SNRPN: variants seen among roughly 807,000 people sequenced by gnomAD.
SNRPN encodes small nuclear ribonucleoprotein-associated protein N.
A neutral mutation model predicts 25.2 loss-of-function variants in SNRPN; 7 were observed. The ratio of observed to expected loss-of-function variants is 0.28; its 90% CI spans 0.16 to 0.52. The LOEUF (loss-of-function observed/expected upper bound fraction) is 0.52, where lower values mean the gene tolerates loss of function less well. SNRPN is among the 20% of genes least tolerant of loss of function. SNRPN has a pLI of 0.96. For synonymous variants in SNRPN, 124 were observed against 110.6 expected (o/e 1.12, Z -0.76); for missense variants, 196 against 322.5 (o/e 0.61, Z 3.00).
chr15:24,974,234 G>T (rs1321314782), intron 3 of SNRPN, 77 bp from the exon 4 acceptor site: 1 of 578,016 alleles, frequency 1.7e-6, no homozygotes, highest in East Asian at 2.9e-5. Context: ...CTGTCATAGT[G>T]ATTTTCATGC....
At chr15:24,922,990 C>T (rs1186964239) in intron 3 of SNRPN, among the ~76,000 whole-genome samples, 2 of 144,198 alleles carry the variant, frequency 1.4e-5, no homozygotes, top group Non-Finnish European at 3.0e-5. Flanking sequence ...ACTGCAACCT[C>T]CGCCTTCTGC....
chr15:24,856,050 C>T (rs903591077), upstream of SNRPN, among the ~76,000 whole-genome samples: 2 of 151,984 alleles, frequency 1.3e-5, no homozygotes, highest in African/African-American at 4.8e-5. Flanking sequence ...GATTTGCTCT[C>T]TCCTTTTTTT....
chr15:24,975,327 C>T (rs549049202), intron 4 of SNRPN, 31 bp from the exon 5 acceptor site: 7 of 1,593,268 alleles, frequency 4.4e-6, no homozygotes, highest in Non-Finnish European at 6.0e-6. Flanking sequence ...TGTTGGCAAG[C>T]TGAACATGAC....
intron 1 of SNRPN, among the ~76,000 whole-genome samples, chr15:24,883,813 A>G (rs2149845324): frequency 6.6e-6 from 1 of 151,854 alleles, no homozygotes; most frequent in African/African-American, 2.4e-5. Flanking sequence ...GGAATTTGAG[A>G]CTAGCCTGGC....
At position 24,863,203 on chromosome 15, in the gene SNRPN, C is replaced by A. The variant is rs1366834232; in HGVS notation, c.-579+6487C>A. 2.0e-5 allele frequency among the ~76,000 whole-genome samples: 3 copies of A among 150,730 alleles called. 1 individual carries two copies. Among genetic ancestry groups the A allele is most frequent in the African/African-American group, 7.5e-5 (3 of 40,186 alleles). On this transcript the variant is annotated intron_variant, in intron 1 of 11. Transcript: ENST00000400097. Reference sequence around the variant, plus strand: ...TGGGGAAGGGCAGAGAAGTTTCTGTCCCCTCAGCCATTTTGCAGATGTAGG... The same window carrying A: ...TGGGGAAGGGCAGAGAAGTTTCTGTACCCTCAGCCATTTTGCAGATGTAGG...
At chr15:24,974,760 T>C (rs2076870448) in intron 4 of SNRPN, 3 of 613,468 alleles carry the variant, frequency 4.9e-6, no homozygotes, top group Non-Finnish European at 8.7e-6. Flanking sequence ...GGTTTCACTG[T>C]GTTGGCCAGG....
In SNRPN at chr15:24,955,645, G is replaced by GA. The variant is rs1444126306; in HGVS notation, c.-391+583_-391+584insA. 4.1e-3 allele frequency among the ~76,000 whole-genome samples: 608 copies of GA among 148,366 alleles called. 4 individuals are homozygous for GA. The highest frequency in any genetic ancestry group is 0.014 in the African/African-American group (572 of 39,944). On this transcript the variant is annotated intron_variant, in intron 1 of 9. Coordinates refer to ENST00000390687, the MANE Select transcript of SNRPN (RefSeq NM_003097.6). ...GCAGTGACCGAGGCGAGGAGGCTATGGCAGTGGACCAGGGGGATGAGTCGG... is the reference window on the plus strand; with the variant it reads ...GCAGTGACCGAGGCGAGGAGGCTATGAGCAGTGGACCAGGGGGATGAGTCGG...
In SNRPN at chr15:24,907,652, C is replaced by T. The variant is rs144282166; in HGVS notation, c.-504-12359C>T. ...TAATCTTCAGTGAAATAGTATGTTGCCCAGGCTGGTCTTAAACTCCTGGGC... is the reference window on the plus strand; with the variant it reads ...TAATCTTCAGTGAAATAGTATGTTGTCCAGGCTGGTCTTAAACTCCTGGGC... On this transcript the variant is annotated intron_variant, in intron 2 of 11. Coordinates refer to the SNRPN transcript ENST00000400097. Among the ~76,000 whole-genome samples the T allele has an allele frequency of 3.6e-3, 548 of 152,002 alleles. 6 individuals are homozygous for T. Among genetic ancestry groups the T allele is most frequent in the African/African-American group, 0.013 (531 of 41,470 alleles).
chr15:24,890,386 C>T (rs1270193309), intron 2 of SNRPN, among the ~76,000 whole-genome samples: 1 of 152,030 alleles, frequency 6.6e-6, no homozygotes, highest in Middle Eastern at 3.2e-3. Context: ...CATAAAAATA[C>T]ACCTATCCAG....
Position 24,978,519 on chromosome 15 carries a change from T to C in SNRPN, c.*75T>C, listed in dbSNP as rs1314068662. Reference sequence around the variant, plus strand: ...GAAATTGTGTAGAGTGTTTGTGAGCTTTTTGTTCCCTCATTCTGCATTAAT... The same window carrying C: ...GAAATTGTGTAGAGTGTTTGTGAGCCTTTTGTTCCCTCATTCTGCATTAAT... On this transcript the variant is annotated 3_prime_UTR_variant, in exon 10 of 10. Transcript: ENST00000390687. 3.0e-6 allele frequency: 4 copies of C among 1,326,434 alleles called. No individual in the cohort carries two copies. The East Asian group carries it at 9.2e-5, about 30-fold the overall frequency. 82.2% of individuals were successfully genotyped at this position (1,326,434 alleles called of 1,614,324 possible).
chr15:24,922,434 A>G (rs1595920019), intron 3 of SNRPN, among the ~76,000 whole-genome samples: 1 of 152,212 alleles, frequency 6.6e-6, no homozygotes, highest in African/African-American at 2.4e-5. Flanking sequence ...GAAAAATTGC[A>G]TACAATACAG....
intron 2 of SNRPN, among the ~76,000 whole-genome samples, chr15:24,845,338 C>G (rs931488355): frequency 6.6e-6 from 1 of 152,230 alleles, no homozygotes; most frequent in South Asian, 2.1e-4. Flanking sequence ...GTGGCTCACG[C>G]CTGTAATCTG....
At chr15:24,971,510 C>T (rs978653325) in intron 3 of SNRPN, among the ~76,000 whole-genome samples, 1 of 151,712 alleles carries the variant, frequency 6.6e-6, no homozygotes. Flanking sequence ...TATATCTCTT[C>T]TAGCTATACA....
chr15:24,921,509 G>C (rs895683053), intron 3 of SNRPN, among the ~76,000 whole-genome samples: 1 of 152,186 alleles, frequency 6.6e-6, no homozygotes, highest in African/African-American at 2.4e-5. Flanking sequence ...ATGGGGGTTA[G>C]TTGTAATCCA....
intron 1 of SNRPN, among the ~76,000 whole-genome samples, chr15:24,872,788 G>T (rs2055306110): frequency 1.1e-5 from 1 of 95,180 alleles, no homozygotes; most frequent in African/African-American, 3.7e-5. Context: ...GGTGGCTTAC[G>T]CCTGTAATCC....
chr15:24,973,480 C>T (rs1179827666), intron 3 of SNRPN, among the ~76,000 whole-genome samples: 2 of 152,164 alleles, frequency 1.3e-5, no homozygotes, highest in Non-Finnish European at 2.9e-5. Flanking sequence ...TCACTGCAAC[C>T]TCTGCCTCCC....
chr15:24,918,427 TAAC>T lies in SNRPN; in HGVS notation c.-504-1582_-504-1580del, dbSNP rs1181355880. Among the ~76,000 whole-genome samples the T allele has an allele frequency of 2.1e-4, 26 of 122,264 alleles. 1 individual carries two copies. Among genetic ancestry groups the T allele is most frequent in the Non-Finnish European group, 3.3e-4 (20 of 60,342 alleles). 80.2% of individuals were successfully genotyped at this position (122,264 alleles called of 152,430 possible). ...ATAACATAATATATATGTGTATATA[TAAC>T]ATAATATATATGTGTATATATATAA... On this transcript the variant is annotated intron_variant, in intron 2 of 11. Transcript: ENST00000400097.
chr15:24,844,162 G>A (rs59976475), intron 2 of SNRPN, among the ~76,000 whole-genome samples: 185 of 151,926 alleles, frequency 1.2e-3, no homozygotes, highest in African/African-American at 4.0e-3. Flanking sequence ...TTGTGTGTGC[G>A]CATGAGTAAA....
intron 1 of SNRPN, among the ~76,000 whole-genome samples, chr15:24,881,863 T>C (rs973200787): frequency 1.3e-5 from 2 of 152,198 alleles, no homozygotes; most frequent in African/African-American, 4.8e-5. Flanking sequence ...GTCTTCTATC[T>C]GAAAGGTACC....
Sources: allele counts gnomAD v4.1 joint callset (sites outside exome capture counted in the v4.1 genomes callset), GRCh38; gene constraint gnomAD v4.1.1; transcripts MANE v1.5; gene names NCBI Gene and HGNC (gene_info 2026-07-23, HGNC 2026-07-21).